UBE2R2: variants seen among roughly 807,000 people sequenced by gnomAD.
UBE2R2 encodes the protein ubiquitin-conjugating enzyme E2 R2.
Under a neutral mutation model 27.8 loss-of-function variants are expected in UBE2R2, and 1 was observed. That is an observed-to-expected ratio of 0.04 (90% CI 0.01 to 0.17). The LOEUF (loss-of-function observed/expected upper bound fraction) is 0.17, where lower values mean the gene tolerates loss of function less well. Ranked by LOEUF, UBE2R2 falls within the 10% of genes least tolerant of loss-of-function variation. UBE2R2 has a pLI of 1.00. For synonymous variants in UBE2R2, 106 were observed against 113.3 expected, an observed-to-expected ratio of 0.94 and a Z score of 0.41; for missense variants, 100 against 291.0, an observed-to-expected ratio of 0.34 and a Z score of 4.78.
At chr9:33,853,904 C>T (rs139307185) in intron 1 of UBE2R2, among the ~76,000 whole-genome samples, 1,549 of 151,174 alleles carry the variant, frequency 0.01, 13 homozygotes, top group Non-Finnish European at 0.015. Flanking sequence ...CTGTGTTTCT[C>T]AGGCTGGTCT....
chr9:33,885,618 G>A (rs1296850997), intron 1 of UBE2R2, among the ~76,000 whole-genome samples: 1 of 152,200 alleles, frequency 6.6e-6, no homozygotes, highest in East Asian at 1.9e-4. Flanking sequence ...TTTTTACTTT[G>A]AATGTGTTTT....
rs1000282617 is a variant in UBE2R2, at chr9:33,920,348, A to G, written c.*3111A>G. 2.0e-5 allele frequency: 3 copies of G among 151,686 alleles called. No homozygotes were observed. Among genetic ancestry groups the G allele is most frequent in the Non-Finnish European group, 2.9e-5 (2 of 68,016 alleles). 9.4% of individuals were successfully genotyped at this position (151,686 alleles called of 1,614,324 possible). A position where few individuals can be genotyped will look rare whatever the true frequency, so the allele number is the denominator to read the frequency against. Reference sequence around the variant, plus strand: ...TGGTTTATTTTGTCTTTTTCTGCCCATCTGTCTACTAATAAAATGTGAAAT... The same window carrying G: ...TGGTTTATTTTGTCTTTTTCTGCCCGTCTGTCTACTAATAAAATGTGAAAT... On this transcript the variant is annotated 3_prime_UTR_variant, in exon 5 of 5. Transcript: ENST00000263228.
At chr9:33,841,782 C>T (rs1820738162) in intron 1 of UBE2R2, among the ~76,000 whole-genome samples, 1 of 151,962 alleles carries the variant, frequency 6.6e-6, no homozygotes, top group Non-Finnish European at 1.5e-5. Context: ...ACTAGAATAT[C>T]CTCATTATTA....
chr9:33,909,342 G>A (rs1273022777), intron 3 of UBE2R2, among the ~76,000 whole-genome samples: 1 of 152,026 alleles, frequency 6.6e-6, no homozygotes, highest in African/African-American at 2.4e-5. Flanking sequence ...AAAAAATTTG[G>A]CCAACTGTGG....
intron 1 of UBE2R2, among the ~76,000 whole-genome samples, chr9:33,833,539 A>C (rs1330116404): frequency 1.3e-5 from 2 of 152,234 alleles, no homozygotes; most frequent in Non-Finnish European, 2.9e-5. Context: ...TTAACAATAA[A>C]AAATGTTCTA....
chr9:33,857,011 C>G (rs530968906), intron 1 of UBE2R2, among the ~76,000 whole-genome samples: 16 of 148,192 alleles, frequency 1.1e-4, no homozygotes, highest in African/African-American at 4.1e-4. Flanking sequence ...ATTCTCCTGC[C>G]TTAGCCTCCC....
intron 1 of UBE2R2, among the ~76,000 whole-genome samples, chr9:33,825,501 A>G (rs1457022682): frequency 6.6e-6 from 1 of 152,094 alleles, no homozygotes; most frequent in Non-Finnish European, 1.5e-5. Context: ...TCGGCCTCCC[A>G]AAGTGCTGGG....
chr9:33,858,648 C>T (rs574909003), intron 1 of UBE2R2, among the ~76,000 whole-genome samples: 1 of 152,072 alleles, frequency 6.6e-6, no homozygotes, highest in South Asian at 2.1e-4. Flanking sequence ...TCAAGCACTC[C>T]ACCCACCCCA....
intron 1 of UBE2R2, among the ~76,000 whole-genome samples, chr9:33,865,367 T>G (rs187374597): frequency 2.4e-4 from 36 of 151,982 alleles, no homozygotes; most frequent in Non-Finnish European, 4.6e-4. Flanking sequence ...CGGCTAATTT[T>G]TGTATTTTTT....
chr9:33,898,922 C>A (rs1167095833), intron 2 of UBE2R2, among the ~76,000 whole-genome samples: 4 of 152,158 alleles, frequency 2.6e-5, no homozygotes, highest in Non-Finnish European at 5.9e-5. Flanking sequence ...TATGAATTAA[C>A]CTAAATGTAC....
chr9:33,847,747 A>ATTTTT (rs367991925), intron 1 of UBE2R2, among the ~76,000 whole-genome samples: 4 of 105,024 alleles, frequency 3.8e-5, no homozygotes, highest in Non-Finnish European at 5.6e-5. Context: ...TTGACCTGAA[A>ATTTTT]TTTTTTTTTT....
At chr9:33,894,608 T>C (rs1822057599) in intron 2 of UBE2R2, among the ~76,000 whole-genome samples, 1 of 151,928 alleles carries the variant, frequency 6.6e-6, no homozygotes, top group African/African-American at 2.4e-5. Flanking sequence ...TAGTAAAATT[T>C]TGGGGGGGGC....
At chr9:33,895,206 T>A (rs1292488648) in intron 2 of UBE2R2, among the ~76,000 whole-genome samples, 2 of 152,262 alleles carry the variant, frequency 1.3e-5, no homozygotes, top group East Asian at 1.9e-4. Context: ...GTCTTTGATC[T>A]ATTTTCAGTT....
intron 1 of UBE2R2, among the ~76,000 whole-genome samples, chr9:33,862,317 C>T (rs150559229): frequency 1.3e-5 from 2 of 152,242 alleles, no homozygotes; most frequent in East Asian, 1.9e-4. Context: ...TAACCCCATT[C>T]GGTTGTCATA....
intron 1 of UBE2R2, among the ~76,000 whole-genome samples, chr9:33,850,711 T>A (rs928942709): frequency 1.3e-5 from 2 of 152,316 alleles, no homozygotes; most frequent in African/African-American, 4.8e-5. Flanking sequence ...TGTTTATTTA[T>A]AAAAATAGTT....
upstream of UBE2R2, among the ~76,000 whole-genome samples, chr9:33,816,049 G>T (rs1355953642): frequency 6.6e-6 from 1 of 152,024 alleles, no homozygotes; most frequent in African/African-American, 2.4e-5. Flanking sequence ...GCTACAGCCT[G>T]GGTGACAGAG....
intron 1 of UBE2R2, among the ~76,000 whole-genome samples, chr9:33,857,841 G>C (rs886142136): frequency 6.6e-6 from 1 of 152,184 alleles, no homozygotes; most frequent in African/African-American, 2.4e-5. Context: ...TTCTTTGAGA[G>C]TTTATTGTTC....
chr9:33,918,237 T>TTTTTG lies in UBE2R2; in HGVS notation c.*1005_*1009dup, dbSNP rs1404379170. The stretch of plus-strand genomic sequence containing the variant: ...AATACACTCGTACCATGACGTTTTG[T>TTTTTG]TTTTGTTTTTTAAGTAGCCACTTTT... On this transcript the variant is annotated 3_prime_UTR_variant, in exon 5 of 5. Transcript: ENST00000263228. 6.6e-6 allele frequency: 1 copy of TTTTTG among 152,048 alleles called. No individual in the cohort carries two copies. Among genetic ancestry groups the TTTTTG allele is most frequent in the African/African-American group, 2.4e-5 (1 of 41,366 alleles). The allele number at this position is 152,048 out of a possible 1,614,324, so 9.4% of individuals were successfully genotyped here.
At chr9:33,884,197 A>ACTCTCTCTCTCTCTCTCTCTCT (rs1267784081) in intron 1 of UBE2R2, among the ~76,000 whole-genome samples, 1 of 39,656 alleles carries the variant, frequency 2.5e-5, no homozygotes, top group Non-Finnish European at 6.0e-5. Flanking sequence ...ACAACTTAAG[A>ACTCTCTCTCTCTCTCTCTCTCT]ATCTCTCTCT....
Sources: gnomAD v4.1 joint callset for allele counts (sites outside exome capture counted in the v4.1 genomes callset) on GRCh38, gnomAD v4.1.1 for gene constraint, MANE v1.5 for transcripts, NCBI Gene and HGNC (gene_info 2026-07-23, HGNC 2026-07-21) for gene names.